PDE4D: variants seen among roughly 807,000 people sequenced by gnomAD.
The protein encoded by PDE4D is 3',5'-cyclic-AMP phosphodiesterase 4D.
In PDE4D, 24 loss-of-function variants were observed where a neutral mutation model predicts 87.4. The observed-to-expected ratio is 0.27, with a 90% CI of 0.20 to 0.39. The LOEUF (loss-of-function observed/expected upper bound fraction) is 0.39, where lower values mean the gene tolerates loss of function less well. Ranked by LOEUF, PDE4D falls within the 10% of genes least tolerant of loss-of-function variation. The pLI, the probability that PDE4D is intolerant of heterozygous loss-of-function variation, is 1.00. For synonymous variants in PDE4D, 384 were observed against 383.2 expected (o/e 1.00, Z -0.02); for missense variants, 714 against 1,041.0 (o/e 0.69, Z 4.32).
At chr5:59,768,732 G>C (rs971044654) in intron 1 of PDE4D, 1 of 1,105,006 alleles carries the variant, frequency 9.0e-7, no homozygotes, top group Non-Finnish European at 1.2e-6. Flanking sequence ...CCAAGCCCCT[G>C]CCAAAGATCA....
chr5:59,561,823 T>C (rs1226693759), intron 1 of PDE4D, among the ~76,000 whole-genome samples: 1 of 151,978 alleles, frequency 6.6e-6, no homozygotes, highest in Non-Finnish European at 1.5e-5. Context: ...TCCCAGCTAT[T>C]TGGGAGGCTG....
chr5:59,147,511 T>C (rs1778844194), intron 5 of PDE4D, among the ~76,000 whole-genome samples: 1 of 152,158 alleles, frequency 6.6e-6, no homozygotes, highest in Non-Finnish European at 1.5e-5. Context: ...TATTTTTCAT[T>C]GAATTGGGCA....
At chr5:59,178,059 G>A (rs1205147514) in intron 5 of PDE4D, among the ~76,000 whole-genome samples, 2 of 152,162 alleles carry the variant, frequency 1.3e-5, no homozygotes, top group African/African-American at 2.4e-5. Context: ...AGGGAGGAAA[G>A]GCACAAGCAC....
chr5:60,346,857 A>T (rs1398613590), intron 1 of PDE4D, among the ~76,000 whole-genome samples: 2 of 152,134 alleles, frequency 1.3e-5, no homozygotes, highest in Non-Finnish European at 2.9e-5. Flanking sequence ...TCCCCTTAAG[A>T]ACAAAATTCC....
chr5:59,029,489 C>T (rs569680203), intron 6 of PDE4D, among the ~76,000 whole-genome samples: 3 of 147,804 alleles, frequency 2.0e-5, no homozygotes, highest in South Asian at 2.1e-4. Context: ...CTGGAAACTA[C>T]AAGACATTGA....
intron 1 of PDE4D, among the ~76,000 whole-genome samples, chr5:59,833,135 T>C (rs1271330939): frequency 6.6e-6 from 1 of 152,056 alleles, no homozygotes; most frequent in Non-Finnish European, 1.5e-5. Context: ...TAAGGACAGA[T>C]GGCAAGGGCC....
chr5:59,444,995 T>C (rs1798149223), intron 1 of PDE4D, among the ~76,000 whole-genome samples: 1 of 152,130 alleles, frequency 6.6e-6, no homozygotes, highest in Non-Finnish European at 1.5e-5. Context: ...AAAACTGAGT[T>C]AGGAAAAAGT....
At chr5:59,262,460 T>C (rs990189915) in intron 1 of PDE4D, among the ~76,000 whole-genome samples, 1 of 151,874 alleles carries the variant, frequency 6.6e-6, no homozygotes, top group African/African-American at 2.4e-5. Context: ...TAAGCCTAAT[T>C]TCTTGCCATT....
At chr5:59,131,489 T>A (rs1776252690) in intron 5 of PDE4D, among the ~76,000 whole-genome samples, 1 of 152,192 alleles carries the variant, frequency 6.6e-6, no homozygotes, top group Non-Finnish European at 1.5e-5. Flanking sequence ...TATGTCCTCA[T>A]GAATGACTTT....
At chr5:59,059,324 T>C (rs1045393976) in intron 5 of PDE4D, among the ~76,000 whole-genome samples, 1 of 152,190 alleles carries the variant, frequency 6.6e-6, no homozygotes, top group African/African-American at 2.4e-5. Context: ...ATCCACCAGA[T>C]GCAGTTGAGT....
chr5:60,120,597 T>G (rs942008568), intron 2 of PDE4D, among the ~76,000 whole-genome samples: 2 of 152,114 alleles, frequency 1.3e-5, no homozygotes, highest in East Asian at 1.9e-4. Flanking sequence ...TTGTGTCAGG[T>G]GGGCAGCTGG....
chr5:59,495,247 C>T (rs995313629), intron 1 of PDE4D, among the ~76,000 whole-genome samples: 1 of 152,224 alleles, frequency 6.6e-6, no homozygotes, highest in African/African-American at 2.4e-5. Flanking sequence ...AGTCTCCCCA[C>T]TTGCATGCTT....
At chr5:59,377,836 T>C (rs1460772048) in intron 1 of PDE4D, among the ~76,000 whole-genome samples, 1 of 151,784 alleles carries the variant, frequency 6.6e-6, no homozygotes, top group Non-Finnish European at 1.5e-5. Flanking sequence ...TTGGTGGGAG[T>C]GTAAATTAGT....
At chr5:59,849,572 A>G (rs1266019073) in intron 1 of PDE4D, among the ~76,000 whole-genome samples, 3 of 151,836 alleles carry the variant, frequency 2.0e-5, no homozygotes, top group African/African-American at 7.2e-5. Context: ...TAAAAAGTAC[A>G]AAGATGAGCC....
At chr5:60,473,707 A>G (rs1748037661) in intron 1 of PDE4D, among the ~76,000 whole-genome samples, 1 of 151,936 alleles carries the variant, frequency 6.6e-6, no homozygotes, top group Non-Finnish European at 1.5e-5. Flanking sequence ...ATGGCTCCCC[A>G]TGCCAACCCA....
intron 2 of PDE4D, among the ~76,000 whole-genome samples, chr5:60,063,813 G>C (rs1771751401): frequency 6.6e-6 from 1 of 152,094 alleles, no homozygotes; most frequent in South Asian, 2.1e-4. Context: ...TTAAGCCTGA[G>C]AATCTAGATA....
At chr5:59,622,139 AAC>A (rs966948403) in intron 1 of PDE4D, among the ~76,000 whole-genome samples, 21 of 152,106 alleles carry the variant, frequency 1.4e-4, no homozygotes, top group African/African-American at 4.6e-4. Flanking sequence ...TGACTTAGAA[AAC>A]AGAGTTCTTT....
intron 1 of PDE4D, among the ~76,000 whole-genome samples, chr5:59,348,493 C>T (rs1284001710): frequency 6.6e-6 from 1 of 151,974 alleles, no homozygotes; most frequent in East Asian, 1.9e-4. Context: ...AAGGAATAAT[C>T]TTTTACATTC....
At chr5:60,394,855 T>C (rs528250140) in intron 1 of PDE4D, among the ~76,000 whole-genome samples, 2 of 152,212 alleles carry the variant, frequency 1.3e-5, no homozygotes, top group Admixed American at 1.3e-4. Context: ...TACATTAATA[T>C]CCTCTCATCT....
Sources: gnomAD v4.1 joint callset for allele counts (sites outside exome capture counted in the v4.1 genomes callset) on GRCh38, gnomAD v4.1.1 for gene constraint, MANE v1.5 for transcripts, NCBI Gene and HGNC (gene_info 2026-07-23, HGNC 2026-07-21) for gene names.